SH3PXD2A: variants seen among roughly 807,000 people sequenced by gnomAD.
The protein encoded by SH3PXD2A is SH3 and PX domains 2A, also known as SH3 and PX domain-containing protein 2A.
In SH3PXD2A, 32 loss-of-function variants were observed where a neutral mutation model predicts 115.2. That is an observed-to-expected ratio of 0.28 (90% confidence interval 0.21 to 0.37). The LOEUF (loss-of-function observed/expected upper bound fraction) is 0.37. SH3PXD2A is among the 10% of genes least tolerant of loss of function. The pLI is 1.00. For synonymous variants in SH3PXD2A, 610 were observed against 629.1 expected (o/e 0.97, Z 0.45); for missense variants, 1,328 against 1,498.7 (o/e 0.89, Z 1.88).
intron 3 of SH3PXD2A, chr10:103,736,914 A>C (rs903289323): frequency 4.2e-5 from 23 of 550,590 alleles, no homozygotes; most frequent in South Asian, 3.5e-4. Flanking sequence ...CACAGGATGC[A>C]GCCTAGTCAG....
intron 4 of SH3PXD2A, among the ~76,000 whole-genome samples, chr10:103,725,396 G>C (rs1170585447): frequency 6.6e-6 from 1 of 152,114 alleles, no homozygotes; most frequent in Non-Finnish European, 1.5e-5. Flanking sequence ...GAGTTTGCAG[G>C]GTTTGGACAA....
chr10:103,680,914 G>C (rs1427461979), intron 6 of SH3PXD2A, among the ~76,000 whole-genome samples: 2 of 151,348 alleles, frequency 1.3e-5, no homozygotes, highest in Non-Finnish European at 1.5e-5. Context: ...TTAGAAAAAG[G>C]TGCTAAAACA....
In SH3PXD2A at chr10:103,600,373, C is replaced by T. The variant is rs2036197984; in HGVS notation, c.*1443G>A. The T allele has an allele frequency of 1.3e-5, 2 of 152,346 alleles. No homozygotes were observed. Among genetic ancestry groups the T allele is most frequent in the Non-Finnish European group, 2.9e-5 (2 of 68,078 alleles). 9.4% of individuals were successfully genotyped at this position (152,346 alleles called of 1,614,324 possible). A position where few individuals can be genotyped will look rare whatever the true frequency, so the allele number is the denominator to read the frequency against. On this transcript the variant is annotated 3_prime_UTR_variant, in exon 15 of 15. Coordinates refer to ENST00000369774, the MANE Select transcript of SH3PXD2A (RefSeq NM_001394015.1). Reference sequence around the variant, plus strand: ...GACCCTCGGGAAGACCAGGTTGGCTCCTGGCACAGGGATCCTCCATCTTCT... The same window carrying T: ...GACCCTCGGGAAGACCAGGTTGGCTTCTGGCACAGGGATCCTCCATCTTCT...
In SH3PXD2A at chr10:103,735,733, C is replaced by A; in HGVS notation, c.305G>T (p.Arg102Leu). Reference protein sequence around the residue: ...KRLKPIDEYCRALVRLPPHIS... With the variant: ...KRLKPIDEYCLALVRLPPHIS... ...CCCCAGCCCCAGATACACTCTCACC[C>A]GGCAGTATTCATCGATGGGCTTCAG... Residue 102 changes from arginine (R) to leucine (L), a missense_variant and splice_region_variant, in exon 4 of 15, where the codon CGG (arginine) becomes CTG (leucine). By Grantham distance (102) the Arg-to-Leu change is moderately radical (BLOSUM62 -2). Around this residue, in one of 5 missense-constraint regions of SH3PXD2A, gnomAD observed 110 missense variants for 160.0 expected, o/e 0.69. Transcript: ENST00000369774. 6.2e-7 allele frequency: 1 copy of A among 1,611,356 alleles called. No homozygotes were observed. Among genetic ancestry groups the A allele is most frequent in the Non-Finnish European group, 8.5e-7 (1 of 1,177,780 alleles).
At chr10:103,813,967 T>C (rs2039296645) in intron 1 of SH3PXD2A, among the ~76,000 whole-genome samples, 1 of 131,998 alleles carries the variant, frequency 7.6e-6, no homozygotes, top group Non-Finnish European at 1.6e-5. Flanking sequence ...ACCACTAAGC[T>C]GAACCAACAT....
At position 103,845,826 on chromosome 10, in the gene SH3PXD2A, G is replaced by A. The variant is rs184171313; in HGVS notation, c.72+9369C>T. ...CCAAGGTCTCCTTTAGTGAGAGTACGCCTCAAAAAAGGAAAACAACGTAGG... is the reference window on the plus strand; with the variant it reads ...CCAAGGTCTCCTTTAGTGAGAGTACACCTCAAAAAAGGAAAACAACGTAGG... On this transcript the variant is annotated intron_variant, in intron 1 of 14. Transcript: ENST00000369774. Among the ~76,000 whole-genome samples the A allele has an allele frequency of 2.5e-3, 380 of 152,188 alleles. 2 individuals are homozygous for A. The highest frequency in any genetic ancestry group is 3.8e-3 in the Non-Finnish European group (259 of 68,000).
At chr10:103,608,150 T>TAAAAAAAAAAAAAAAAAAGTTAAA (rs1554903068) in intron 13 of SH3PXD2A, among the ~76,000 whole-genome samples, 3 of 32,642 alleles carry the variant, frequency 9.2e-5, no homozygotes, top group African/African-American at 2.4e-4. Context: ...ATGATCAATT[T>TAAAAAAAAAAAAAAAAAAGTTAAA]AAAAAAAAAA....
intron 1 of SH3PXD2A, among the ~76,000 whole-genome samples, chr10:103,833,630 G>A (rs1431938624): frequency 1.3e-5 from 2 of 152,206 alleles, no homozygotes; most frequent in Admixed American, 6.5e-5. Context: ...TTGAAAGTGA[G>A]ATGATAAATT....
chr10:103,835,958 G>A (rs2039535409), intron 1 of SH3PXD2A, among the ~76,000 whole-genome samples: 1 of 152,200 alleles, frequency 6.6e-6, no homozygotes, highest in Admixed American at 6.5e-5. Flanking sequence ...TTCACTGGAC[G>A]AGGAACCAGC....
At chr10:103,615,455 C>A (rs1026130332) in intron 11 of SH3PXD2A, among the ~76,000 whole-genome samples, 2 of 145,806 alleles carry the variant, frequency 1.4e-5, no homozygotes, top group South Asian at 4.5e-4. Flanking sequence ...GGGAAGCAAG[C>A]TGGAAAGGGC....
intron 6 of SH3PXD2A, among the ~76,000 whole-genome samples, chr10:103,681,772 G>GCA (rs879180920): frequency 2.6e-5 from 4 of 151,628 alleles, no homozygotes; most frequent in Admixed American, 2.6e-4. Flanking sequence ...GCGCGCGCGC[G>GCA]CACACACACA....
chr10:103,748,524 G>A (rs1211083638), intron 3 of SH3PXD2A, among the ~76,000 whole-genome samples: 1 of 152,178 alleles, frequency 6.6e-6, no homozygotes, highest in African/African-American at 2.4e-5. Context: ...TGATGGTGAC[G>A]GTCCCTGCCC....
intron 1 of SH3PXD2A, among the ~76,000 whole-genome samples, chr10:103,812,900 A>T (rs868240877): frequency 1.5e-4 from 23 of 152,206 alleles, no homozygotes; most frequent in African/African-American, 5.5e-4. Flanking sequence ...ATTCCCTTTG[A>T]CTCAGCAATT....
chr10:103,652,086 T>A (rs1431761585), intron 8 of SH3PXD2A, among the ~76,000 whole-genome samples: 1 of 152,124 alleles, frequency 6.6e-6, no homozygotes, highest in South Asian at 2.1e-4. Context: ...TTCCCCACAA[T>A]CCGATCCAAT....
At chr10:103,721,390 C>T (rs970772858) in intron 5 of SH3PXD2A, among the ~76,000 whole-genome samples, 3 of 152,354 alleles carry the variant, frequency 2.0e-5, no homozygotes, top group Admixed American at 2.0e-4. Flanking sequence ...GCTGCCTCCC[C>T]AACAGCCAAG....
chr10:103,700,215 G>A (rs59089662), intron 5 of SH3PXD2A, among the ~76,000 whole-genome samples: 1,753 of 152,352 alleles, frequency 0.012, 24 homozygotes, highest in African/African-American at 0.04. Context: ...CCCTGGTTCA[G>A]CCACCTAGTG....
intron 1 of SH3PXD2A, among the ~76,000 whole-genome samples, chr10:103,849,465 C>G (rs1418845835): frequency 6.6e-6 from 1 of 152,242 alleles, no homozygotes. Flanking sequence ...CCTTGCTGGA[C>G]TCTGACCGGC....
chr10:103,796,082 G>A (rs546123943), intron 2 of SH3PXD2A, among the ~76,000 whole-genome samples: 35 of 152,144 alleles, frequency 2.3e-4, no homozygotes, highest in African/African-American at 7.2e-4. Context: ...TATGGGGGCC[G>A]GGTGTGGTGG....
At position 103,678,113 on chromosome 10, in the gene SH3PXD2A, G is replaced by A. The variant is rs769871927; in HGVS notation, c.428-9461C>T. On this transcript the variant is annotated intron_variant, in intron 6 of 14. Coordinates refer to ENST00000369774, the MANE Select transcript of SH3PXD2A (RefSeq NM_001394015.1). The stretch of plus-strand genomic sequence containing the variant: ...CAGTACAGTCTCTGGCAGGATGGAC[G>A]CTACAGGAAACAGGAGCCGGAGCAG... The A allele has an allele frequency of 3.4e-5, 44 of 1,288,534 alleles. No homozygotes were observed. In the Admixed American group the frequency reaches 5.3e-4, roughly 15 times the overall value. 79.8% of individuals were successfully genotyped at this position (1,288,534 alleles called of 1,614,324 possible). A position where few individuals can be genotyped will look rare whatever the true frequency, so the allele number is the denominator to read the frequency against.
Sources: allele counts gnomAD v4.1 joint callset (sites outside exome capture counted in the v4.1 genomes callset), GRCh38; gene constraint gnomAD v4.1.1; regional missense constraint gnomAD v4.1.1; transcripts MANE v1.5; gene names NCBI Gene and HGNC (gene_info 2026-07-23, HGNC 2026-07-21).